Variants in POLA1 observed in about 807,000 individuals in gnomAD.
The protein encoded by POLA1 is DNA polymerase alpha catalytic subunit.
Under a neutral mutation model 124.0 loss-of-function variants are expected in POLA1, and 15 were observed. The ratio of observed to expected loss-of-function variants is 0.12; its 90% CI spans 0.08 to 0.19. The LOEUF is 0.19. POLA1 is among the 10% of genes least tolerant of loss of function. The pLI, the probability that POLA1 is intolerant of heterozygous loss-of-function variation, is 1.00. For synonymous variants in POLA1, 408 were observed against 389.4 expected, an observed-to-expected ratio of 1.05 and a Z score of -0.56; for missense variants, 886 against 1,103.4, an observed-to-expected ratio of 0.80 and a Z score of 2.79.
chrX:24,985,102 C>T (rs1219261168), intron 36 of POLA1, among the ~76,000 whole-genome samples: 2 of 112,228 alleles, frequency 1.8e-5, no homozygotes, highest in East Asian at 5.6e-4. Flanking sequence ...TTCCTCATGG[C>T]TATGGTGTCT....
chrX:24,908,684 A>T (rs1158758108), intron 35 of POLA1, among the ~76,000 whole-genome samples: 1 of 110,978 alleles, frequency 9.0e-6, no homozygotes, highest in East Asian at 2.8e-4. Flanking sequence ...GAATAGTGCC[A>T]CAATAAACAC....
intron 34 of POLA1, among the ~76,000 whole-genome samples, chrX:24,882,423 C>T (rs185239450): frequency 1.8e-4 from 20 of 110,948 alleles, no homozygotes; most frequent in Admixed American, 1.7e-3. Flanking sequence ...ATAATCCTGT[C>T]ACCCAGGTAG....
At chrX:24,861,877 G>T (rs1042178904) in intron 34 of POLA1, among the ~76,000 whole-genome samples, 1 of 111,966 alleles carries the variant, frequency 8.9e-6, no homozygotes, top group Non-Finnish European at 1.9e-5. Context: ...GTAGTAAAAA[G>T]TATATAAATA....
intron 33 of POLA1, 116 bp from the exon 34 acceptor site, chrX:24,843,430 C>T (rs1486074236): frequency 2.1e-6 from 1 of 466,445 alleles, no homozygotes; most frequent in Admixed American, 4.3e-5. Context: ...GTTAACAACT[C>T]ACCAATAAAA....
intron 36 of POLA1, among the ~76,000 whole-genome samples, chrX:24,951,002 TATAAC>T (rs781532575): frequency 1.8e-5 from 2 of 111,910 alleles, no homozygotes; most frequent in Admixed American, 9.5e-5. Context: ...TCAGAGATGT[TATAAC>T]ATAGGAGAGG....
In POLA1 at chrX:24,951,210, G is replaced by C. The variant is rs185457454; in HGVS notation, c.4261+20661G>C. 7.8e-3 allele frequency among the ~76,000 whole-genome samples: 634 copies of C among 81,141 alleles called. 3 individuals are homozygous for C. The highest frequency in any genetic ancestry group is 0.03 in the African/African-American group (581 of 19,466). 70.5% of individuals were successfully genotyped at this position (81,141 alleles called of 115,157 possible). A position where few individuals can be genotyped will look rare whatever the true frequency, so the allele number is the denominator to read the frequency against. The stretch of plus-strand genomic sequence containing the variant: ...CCCCATTGCTCTCTGCACTTTGGCT[G>C]TCCCCTTCCTCACTACCTTATCCTG... On this transcript the variant is annotated intron_variant, in intron 36 of 36. Coordinates refer to ENST00000379068, the MANE Select transcript of POLA1 (RefSeq NM_001330360.2).
chrX:24,844,382 G>A (rs1222721940), intron 34 of POLA1, among the ~76,000 whole-genome samples: 1 of 107,643 alleles, frequency 9.3e-6, no homozygotes, highest in African/African-American at 3.4e-5. Context: ...ATTTTTCTTA[G>A]TGTTTCAGTA....
chrX:24,935,356 G>C (rs996614392), intron 36 of POLA1, among the ~76,000 whole-genome samples: 3 of 112,679 alleles, frequency 2.7e-5, no homozygotes, highest in Non-Finnish European at 5.6e-5. Flanking sequence ...GTAGAATTCT[G>C]TTGAAGACAG....
chrX:24,710,214 T>C (rs1179001776), intron 4 of POLA1, among the ~76,000 whole-genome samples: 1 of 110,429 alleles, frequency 9.1e-6, no homozygotes, highest in Non-Finnish European at 1.9e-5. Flanking sequence ...ATCACCATCA[T>C]CTTGTTCCAG....
At chrX:24,827,168 A>G (rs2046186276) in intron 32 of POLA1, among the ~76,000 whole-genome samples, 2 of 112,181 alleles carry the variant, frequency 1.8e-5, no homozygotes, top group African/African-American at 6.5e-5. Context: ...GGTACCAGCC[A>G]ACCCTGAGAC....
Position 24,762,935 on chromosome X carries a change from A to G in POLA1, c.2964+13943A>G, listed in dbSNP as rs1428614905. 2.7e-5 allele frequency among the ~76,000 whole-genome samples: 3 copies of G among 110,922 alleles called. No homozygotes were observed. In the East Asian group the frequency reaches 8.4e-4, roughly 31 times the overall value. ...GTATTTTTAGTAGAGTTGGGGTTTC[A>G]CCATGTTGGCCAGGCTGGTCTAGAA... On this transcript the variant is annotated intron_variant, in intron 26 of 36. Coordinates refer to ENST00000379068, the MANE Select transcript of POLA1 (RefSeq NM_001330360.2).
At chrX:24,794,747 CTTTT>C (rs1319799384) in intron 26 of POLA1, among the ~76,000 whole-genome samples, 1 of 111,906 alleles carries the variant, frequency 8.9e-6, no homozygotes, top group Non-Finnish European at 1.9e-5. Context: ...TGATGACAGA[CTTTT>C]TTCCTCTTCA....
At position 24,716,292 on chromosome X, in the gene POLA1, G is replaced by A. The variant is rs1929830335; in HGVS notation, c.526-70G>A. Reference sequence around the variant, plus strand: ...CTTTGCTTATTGGGCTTCAATGAGTGAAGAAGTATACTTTTTCTGTCTGTG... The same window carrying A: ...CTTTGCTTATTGGGCTTCAATGAGTAAAGAAGTATACTTTTTCTGTCTGTG... On this transcript the variant is annotated intron_variant, in intron 6 of 36. Transcript: ENST00000379068. The A allele has an allele frequency of 8.8e-6, 5 of 569,421 alleles. No individual in the cohort carries two copies. In the East Asian group the frequency reaches 1.7e-4, roughly 19 times the overall value. 46.9% of individuals were successfully genotyped at this position (569,421 alleles called of 1,213,427 possible). A position where few individuals can be genotyped will look rare whatever the true frequency, so the allele number is the denominator to read the frequency against.
intron 36 of POLA1, among the ~76,000 whole-genome samples, chrX:24,981,946 G>C (rs1391801265): frequency 8.9e-6 from 1 of 111,972 alleles, no homozygotes; most frequent in Admixed American, 9.5e-5. Flanking sequence ...CCTATTGGGA[G>C]TCTGCATGCA....
intron 26 of POLA1, among the ~76,000 whole-genome samples, chrX:24,774,471 C>T (rs1259715620): frequency 2.7e-5 from 3 of 111,861 alleles, no homozygotes; most frequent in Non-Finnish European, 5.6e-5. Flanking sequence ...GTACTCTTGT[C>T]GCTTTATTCG....
rs1264862509 is a variant in POLA1, at chrX:24,727,955, A to AT, written c.1686+23dup. 2 of 1,175,380 alleles carry AT rather than the reference A, an allele frequency of 1.7e-6. No homozygotes were observed. The highest frequency in any genetic ancestry group is 2.3e-6 in the Non-Finnish European group (2 of 865,699). ...AAATGAGGTTTAAAAAATAGGACAG[A>AT]TTTTGTACCCATGCCTTAGATGTGT... On this transcript the variant is annotated intron_variant, in intron 15 of 36. Coordinates refer to ENST00000379068, the MANE Select transcript of POLA1 (RefSeq NM_001330360.2).
chrX:24,920,258 G>T (rs1328290462), intron 35 of POLA1, among the ~76,000 whole-genome samples: 3 of 111,661 alleles, frequency 2.7e-5, no homozygotes, highest in Non-Finnish European at 5.6e-5. Flanking sequence ...CACATTAGAC[G>T]TTGGGTCCCT....
Position 24,739,384 on chromosome X carries a change from G to A in POLA1, c.2050G>A (p.Gly684Arg). 1.7e-6 allele frequency: 2 copies of A among 1,186,468 alleles called. No individual in the cohort carries two copies. The highest frequency in any genetic ancestry group is 2.3e-6 in the Non-Finnish European group (2 of 882,085). The change falls in exon 20 of 37, where the codon GGA becomes AGA. Residue 684 changes from glycine to arginine, a missense_variant. Coordinates refer to ENST00000379068, the MANE Select transcript of POLA1 (RefSeq NM_001330360.2). ...TGTTCCCATCTTGTAGGGCCGGAGT[G>A]GATTTGGTGAAAGAAATGCTACCTG... The part of the protein sequence containing the change: ...SNMPKLGGRS[G>R]FGERNATCGR...
chrX:24,969,077 A>G (rs1276482510), intron 36 of POLA1, among the ~76,000 whole-genome samples: 11 of 109,837 alleles, frequency 1.0e-4, no homozygotes, highest in Non-Finnish European at 2.1e-4. Context: ...GTGTGGTGGC[A>G]CACGCCTGTA....
Sources: allele counts gnomAD v4.1 joint callset (sites outside exome capture counted in the v4.1 genomes callset), GRCh38; gene constraint gnomAD v4.1.1; transcripts MANE v1.5; gene names NCBI Gene and HGNC (gene_info 2026-07-23, HGNC 2026-07-21).